Variants in ASPH observed in about 807,000 individuals in gnomAD.
ASPH encodes the protein aspartate beta-hydroxylase, also known as aspartyl/asparaginyl beta-hydroxylase.
ASPH carries 100 observed loss-of-function variants against 118.4 expected under a neutral mutation model. That is an observed-to-expected ratio of 0.84 (90% CI 0.72 to 1.00). The LOEUF (loss-of-function observed/expected upper bound fraction) is 1.00. Among genes scored for constraint, ASPH ranks in the 50% least tolerant of loss-of-function variants. ASPH has a pLI of 0.00. For missense variants in ASPH, 920 were observed against 919.5 expected, an observed-to-expected ratio of 1.00 and a Z score of -0.01; for synonymous variants, 315 against 325.6, an observed-to-expected ratio of 0.97 and a Z score of 0.35.
intron 21 of ASPH, among the ~76,000 whole-genome samples, chr8:61,545,107 T>C (rs1823310592): frequency 6.6e-6 from 1 of 152,194 alleles, no homozygotes; most frequent in Admixed American, 6.5e-5. Flanking sequence ...CTGACTGCTG[T>C]GGTCTGAACG....
intron 19 of ASPH, 106 bp from the exon 20 acceptor site, chr8:61,553,226 C>T (rs1826653101): frequency 3.6e-6 from 3 of 829,342 alleles, no homozygotes; most frequent in African/African-American, 1.7e-5. Flanking sequence ...ACCTAAAAAC[C>T]AGAAAAATAT....
rs542499007 is a variant in ASPH, at chr8:61,676,820, C to G, written c.322+4148G>C. ...TATTTCCTCAAACTTCTCCCCTCCC[C>G]CCACCACCACCCCACTTAAGACCTG... On this transcript the variant is annotated intron_variant, in intron 3 of 24. Coordinates refer to ENST00000379454, the MANE Select transcript of ASPH (RefSeq NM_004318.4). 2.6e-5 allele frequency among the ~76,000 whole-genome samples: 4 copies of G among 152,084 alleles called. No homozygotes were observed. The East Asian group carries it at 5.8e-4, about 22-fold the overall frequency.
intron 14 of ASPH, among the ~76,000 whole-genome samples, chr8:61,591,192 G>A (rs1177739305): frequency 1.3e-5 from 2 of 152,296 alleles, no homozygotes; most frequent in East Asian, 3.9e-4. Context: ...AGGCATGAAT[G>A]CATGCAGGCA....
intron 24 of ASPH, among the ~76,000 whole-genome samples, chr8:61,511,365 T>C (rs1232845650): frequency 6.6e-6 from 1 of 152,196 alleles, no homozygotes; most frequent in Non-Finnish European, 1.5e-5. Flanking sequence ...AGGCTAGTAA[T>C]TGGCAGGCAA....
chr8:61,635,938 A>G (rs1287659560), intron 12 of ASPH, among the ~76,000 whole-genome samples: 1 of 152,306 alleles, frequency 6.6e-6, no homozygotes, highest in East Asian at 1.9e-4. Flanking sequence ...AAATCAGATT[A>G]TGCTATATCT....
intron 1 of ASPH, among the ~76,000 whole-genome samples, chr8:61,691,593 C>G (rs1188404395): frequency 1.3e-5 from 2 of 152,150 alleles, no homozygotes; most frequent in African/African-American, 4.8e-5. Flanking sequence ...CACGATACCC[C>G]CATGGGTGAG....
intron 24 of ASPH, among the ~76,000 whole-genome samples, chr8:61,516,701 A>G (rs893738843): frequency 2.0e-5 from 3 of 152,196 alleles, no homozygotes; most frequent in African/African-American, 7.2e-5. Flanking sequence ...ATAAAACTAA[A>G]TTGGATCTTA....
At chr8:61,574,688 C>T (rs11985683) in intron 16 of ASPH, among the ~76,000 whole-genome samples, 14,375 of 151,934 alleles carry the variant, frequency 0.095, 949 homozygotes, top group East Asian at 0.27. Flanking sequence ...TCACACACCG[C>T]GGCCTGTCGG....
At chr8:61,581,847 GA>G (rs1837658274) in intron 15 of ASPH, among the ~76,000 whole-genome samples, 1 of 152,112 alleles carries the variant, frequency 6.6e-6, no homozygotes, top group Non-Finnish European at 1.5e-5. Context: ...CCTTTTTCCA[GA>G]GGTAGGAAAG....
chr8:61,542,058 T>G (rs1467627796), intron 21 of ASPH, among the ~76,000 whole-genome samples: 1 of 152,200 alleles, frequency 6.6e-6, no homozygotes, highest in Non-Finnish European at 1.5e-5. Context: ...GTAAACATGC[T>G]TTGTATGATT....
intron 6 of ASPH, among the ~76,000 whole-genome samples, chr8:61,646,519 T>A (rs925423356): frequency 6.6e-6 from 1 of 152,212 alleles, no homozygotes; most frequent in African/African-American, 2.4e-5. Flanking sequence ...AGTATTTGAC[T>A]CACTATTTAT....
intron 15 of ASPH, chr8:61,578,116 T>G (rs1835959880): frequency 3.2e-6 from 4 of 1,232,364 alleles, no homozygotes; most frequent in Non-Finnish European, 4.4e-6. Flanking sequence ...ATTGGATAAA[T>G]GCTCCCATTC....
At chr8:61,555,323 C>T (rs1016726614) in intron 19 of ASPH, among the ~76,000 whole-genome samples, 2 of 151,916 alleles carry the variant, frequency 1.3e-5, no homozygotes, top group African/African-American at 4.8e-5. Flanking sequence ...CACTCTGTTG[C>T]CCAGGCTGGT....
At chr8:61,552,163 G>A (rs111641455) in intron 20 of ASPH, among the ~76,000 whole-genome samples, 38 of 152,292 alleles carry the variant, frequency 2.5e-4, no homozygotes, top group Admixed American at 3.3e-4. Context: ...CAAAGATTCA[G>A]TGTCTCACTT....
At chr8:61,694,301 G>A (rs1458132933) in intron 1 of ASPH, among the ~76,000 whole-genome samples, 1 of 151,988 alleles carries the variant, frequency 6.6e-6, no homozygotes, top group African/African-American at 2.4e-5. Context: ...CCTTTGCCAG[G>A]TTTCCCTCCA....
intron 1 of ASPH, among the ~76,000 whole-genome samples, chr8:61,694,408 C>T (rs977559948): frequency 1.1e-4 from 17 of 152,204 alleles, no homozygotes; most frequent in African/African-American, 7.2e-5. Context: ...TAACCTCCCA[C>T]TCACTCCTTA....
At chr8:61,657,141 G>A (rs1257355999) in intron 3 of ASPH, 1 of 152,220 alleles carries the variant, frequency 6.6e-6, no homozygotes, top group Non-Finnish European at 1.5e-5. Context: ...AGGGAAAAGT[G>A]GGGGTGGGGA....
At chr8:61,547,976 T>C in intron 21 of ASPH, 95 bp downstream of exon 21, 1 of 1,444,910 alleles carries the variant, frequency 6.9e-7, no homozygotes, top group Non-Finnish European at 9.3e-7. Flanking sequence ...AAAATCTATC[T>C]CTTCCCTGAC....
chr8:61,577,399 C>CAAAAAAAAA (rs775523503), intron 15 of ASPH, among the ~76,000 whole-genome samples: 79 of 23,276 alleles, frequency 3.4e-3, no homozygotes, highest in African/African-American at 5.9e-3. Flanking sequence ...CCCAATCTCG[C>CAAAAAAAAA]AAAAAAAAAA....
Sources: allele counts gnomAD v4.1 joint callset (sites outside exome capture counted in the v4.1 genomes callset), GRCh38; gene constraint gnomAD v4.1.1; transcripts MANE v1.5; gene names NCBI Gene and HGNC (gene_info 2026-07-23, HGNC 2026-07-21).